The following TPX2 variants were observed in gnomAD, a reference collection of about 807,000 sequenced individuals.
TPX2 encodes the protein TPX2 microtubule nucleation factor.
In TPX2, 21 loss-of-function variants were observed where a neutral mutation model predicts 93.6. That is an observed-to-expected ratio of 0.22 (90% CI 0.16 to 0.32). The LOEUF (loss-of-function observed/expected upper bound fraction) is 0.32, where lower values mean the gene tolerates loss of function less well. Among genes scored for constraint, TPX2 ranks in the 10% least tolerant of loss-of-function variants. TPX2 has a pLI of 1.00. For synonymous variants in TPX2, 281 were observed against 298.3 expected (o/e 0.94, Z 0.60); for missense variants, 776 against 871.1 (o/e 0.89, Z 1.37).
intron 4 of TPX2, among the ~76,000 whole-genome samples, chr20:31,761,616 G>T (rs754263863): frequency 2.6e-5 from 4 of 151,922 alleles, no homozygotes; most frequent in African/African-American, 9.7e-5. Context: ...GTATTCCATT[G>T]TATATATATA....
intron 9 of TPX2, among the ~76,000 whole-genome samples, chr20:31,778,419 G>A (rs2062014973): frequency 6.6e-6 from 1 of 152,118 alleles, no homozygotes; most frequent in South Asian, 2.1e-4. Flanking sequence ...GATTCAGGAA[G>A]CTGCCTGACC....
Position 31,801,249 on chromosome 20 carries a change from A to T in TPX2, c.*169A>T, listed in dbSNP as rs537890124. The T allele has an allele frequency of 4.1e-5, 24 of 584,124 alleles. No individual in the cohort carries two copies. Among genetic ancestry groups the T allele is most frequent in the Non-Finnish European group, 7.3e-5 (24 of 327,494 alleles). 36.2% of individuals were successfully genotyped at this position (584,124 alleles called of 1,614,324 possible). On this transcript the variant is annotated 3_prime_UTR_variant, in exon 18 of 18. Transcript: ENST00000300403. ...ACAACTGTGGACTCCAGTTTTGTTG[A>T]GAATTGTTTTCTTACATTACTAAGG...
At chr20:31,795,508 G>A (rs1052815238) in intron 15 of TPX2, among the ~76,000 whole-genome samples, 5 of 152,286 alleles carry the variant, frequency 3.3e-5, no homozygotes, top group African/African-American at 4.8e-5. Flanking sequence ...GATTTGGCCT[G>A]TAGGCCAGAG....
intron 4 of TPX2, among the ~76,000 whole-genome samples, chr20:31,765,171 T>C (rs1171277830): frequency 6.6e-6 from 1 of 151,980 alleles, no homozygotes; most frequent in Non-Finnish European, 1.5e-5. Flanking sequence ...TAAAAATGTT[T>C]ATCAAGGCTG....
intron 2 of TPX2, among the ~76,000 whole-genome samples, chr20:31,743,286 A>G (rs1238137456): frequency 1.3e-5 from 2 of 152,078 alleles, no homozygotes; most frequent in Non-Finnish European, 2.9e-5. Flanking sequence ...TTATGTACAT[A>G]CTCCCACATA....
At chr20:31,746,623 C>A (rs2061784965) in intron 2 of TPX2, among the ~76,000 whole-genome samples, 1 of 152,216 alleles carries the variant, frequency 6.6e-6, no homozygotes. Flanking sequence ...GAGCATCTGT[C>A]ACACCAAAGT....
chr20:31,754,330 C>T lies in TPX2; in HGVS notation c.-70-3077C>T, dbSNP rs183437149. Among the ~76,000 whole-genome samples, 11 of 152,232 alleles carry T rather than the reference C, an allele frequency of 7.2e-5. No homozygotes were observed. In the East Asian group the frequency reaches 7.7e-4, roughly 11 times the overall value. On this transcript the variant is annotated intron_variant, in intron 2 of 17. Coordinates refer to ENST00000300403, the MANE Select transcript of TPX2 (RefSeq NM_012112.5). Reference sequence around the variant, plus strand: ...TCCTGACCTCAAGTGATCCTCCCGCCGCGTCCTCCCAAAGTGCTGGGATTA... The same window carrying T: ...TCCTGACCTCAAGTGATCCTCCCGCTGCGTCCTCCCAAAGTGCTGGGATTA...
chr20:31,768,797 C>G (rs2061945275), intron 5 of TPX2, among the ~76,000 whole-genome samples: 1 of 152,174 alleles, frequency 6.6e-6, no homozygotes, highest in Non-Finnish European at 1.5e-5. Context: ...TAAACTAGCA[C>G]TTACGAAAAG....
intron 2 of TPX2, among the ~76,000 whole-genome samples, chr20:31,750,157 G>A (rs1190960709): frequency 6.7e-5 from 10 of 148,888 alleles, no homozygotes; most frequent in Non-Finnish European, 1.5e-4. Flanking sequence ...GGATGGTCTC[G>A]ATTTCTTTTT....
At chr20:31,774,091 C>G (rs1159166660) in intron 7 of TPX2, among the ~76,000 whole-genome samples, 1 of 152,100 alleles carries the variant, frequency 6.6e-6, no homozygotes, top group Non-Finnish European at 1.5e-5. Flanking sequence ...AGGCTGGTCT[C>G]AAACTCCTGA....
chr20:31,747,536 G>T (rs2061791741), intron 2 of TPX2, among the ~76,000 whole-genome samples: 1 of 152,190 alleles, frequency 6.6e-6, no homozygotes, highest in Admixed American at 6.5e-5. Flanking sequence ...ACGATGGATG[G>T]CATTGAATAG....
intron 6 of TPX2, among the ~76,000 whole-genome samples, chr20:31,770,898 C>CTTTTTTTTTTTTT (rs35680390): frequency 8.3e-6 from 1 of 120,282 alleles, no homozygotes; most frequent in Non-Finnish European, 1.8e-5. Context: ...TGATTTTTAG[C>CTTTTTTTTTTTTT]TTTTTTTTTT....
intron 11 of TPX2, among the ~76,000 whole-genome samples, chr20:31,782,636 C>T (rs2062039859): frequency 6.6e-6 from 1 of 151,916 alleles, no homozygotes; most frequent in African/African-American, 2.4e-5. Flanking sequence ...ACCTGTAATC[C>T]CAGTACCTTG....
At position 31,782,386 on chromosome 20, in the gene TPX2, C is replaced by G; in HGVS notation, c.1192C>G (p.Gln398Glu). 1 of 1,609,582 alleles carries G rather than the reference C, an allele frequency of 6.2e-7. No homozygotes were observed. The highest frequency in any genetic ancestry group is 8.5e-7 in the Non-Finnish European group (1 of 1,178,366). ...ELEAEELEKL[Q>E]QYKFKARELD... ...GGAGGCTGAGGAGCTCGAGAAATTG[C>G]AACAGTAAGTCCCACTGGCAGTATC... Residue 398 changes from glutamine (Q) to glutamate (E), a missense_variant, in exon 11 of 18, where the codon CAA (glutamine) becomes GAA (glutamate). Gln to Glu is a conservative substitution (Grantham distance 29, BLOSUM62 2). Transcript: ENST00000300403.
chr20:31,780,803 T>C (rs910643987), intron 10 of TPX2: 5 of 260,042 alleles, frequency 1.9e-5, no homozygotes, highest in Non-Finnish European at 3.0e-5. Context: ...ACATAGTTTT[T>C]AACTTTCTCC....
chr20:31,794,620 T>G, intron 15 of TPX2, 72 bp downstream of exon 15: 3 of 1,555,254 alleles, frequency 1.9e-6, no homozygotes, highest in Non-Finnish European at 2.6e-6. Context: ...CCCACCATAC[T>G]GAAATCACCT....
intron 11 of TPX2, among the ~76,000 whole-genome samples, chr20:31,782,981 T>G (rs2123059352): frequency 6.6e-6 from 1 of 151,848 alleles, no homozygotes; most frequent in East Asian, 1.9e-4. Flanking sequence ...GGATTTCAAT[T>G]AAGGAATGCC....
intron 2 of TPX2, among the ~76,000 whole-genome samples, chr20:31,747,266 A>G (rs1195913174): frequency 2.0e-5 from 3 of 152,076 alleles, no homozygotes; most frequent in Non-Finnish European, 4.4e-5. Flanking sequence ...GATTAAAGGC[A>G]CGTACCCACC....
intron 5 of TPX2, 28 bp downstream of exon 5, chr20:31,766,710 G>A: frequency 6.2e-7 from 1 of 1,601,214 alleles, no homozygotes; most frequent in Non-Finnish European, 8.5e-7. Flanking sequence ...CAAAGTGGTG[G>A]TTATGATAAT....
Sources: gnomAD v4.1 joint callset for allele counts (sites outside exome capture counted in the v4.1 genomes callset) on GRCh38, gnomAD v4.1.1 for gene constraint, MANE v1.5 for transcripts, NCBI Gene and HGNC (gene_info 2026-07-23, HGNC 2026-07-21) for gene names.